SLC8A1: variants seen among roughly 807,000 people sequenced by gnomAD.
SLC8A1 encodes the protein solute carrier family 8 member A1, also known as sodium/calcium exchanger 1.
In SLC8A1, 18 loss-of-function variants were observed where a neutral mutation model predicts 68.3. The ratio of observed to expected loss-of-function variants is 0.26; its 90% confidence interval spans 0.18 to 0.39. The LOEUF (loss-of-function observed/expected upper bound fraction) is 0.39. Among genes scored for constraint, SLC8A1 ranks in the 10% least tolerant of loss-of-function variants. The probability of loss-of-function intolerance (pLI) is 1.00; values close to 1 mark genes in which losing one functional copy is unlikely to be tolerated. For missense variants in SLC8A1, 985 were observed against 1,156.7 expected, an observed-to-expected ratio of 0.85 and a Z score of 2.15; for synonymous variants, 475 against 415.5, an observed-to-expected ratio of 1.14 and a Z score of -1.74.
intron 1 of SLC8A1, among the ~76,000 whole-genome samples, chr2:40,436,061 C>A (rs57454819): frequency 6.6e-6 from 1 of 151,894 alleles, no homozygotes; most frequent in African/African-American, 2.4e-5. Flanking sequence ...TGAACCACCA[C>A]GTCTGGCCAG....
chr2:40,502,323 C>A (rs866984714), intron 1 of SLC8A1, among the ~76,000 whole-genome samples: 106 of 152,106 alleles, frequency 7.0e-4, no homozygotes, highest in African/African-American at 2.5e-3. Context: ...CTCAGGTTTG[C>A]GGACTATGGT....
intron 2 of SLC8A1, among the ~76,000 whole-genome samples, chr2:40,286,009 G>A (rs776019868): frequency 2.0e-5 from 3 of 152,092 alleles, no homozygotes; most frequent in Non-Finnish European, 4.4e-5. Flanking sequence ...TTAGGACCAG[G>A]GCAAGTGCTC....
At chr2:40,217,397 T>G (rs536391219) in intron 2 of SLC8A1, among the ~76,000 whole-genome samples, 1 of 152,354 alleles carries the variant, frequency 6.6e-6, no homozygotes, top group South Asian at 2.1e-4. Context: ...TGTAGGCTTG[T>G]AGTATAATTT....
intron 2 of SLC8A1, among the ~76,000 whole-genome samples, chr2:40,183,932 G>A (rs1002667657): frequency 6.6e-6 from 1 of 152,116 alleles, no homozygotes; most frequent in Non-Finnish European, 1.5e-5. Context: ...GAGGTGGGAG[G>A]ATAGCTTGAG....
intron 2 of SLC8A1, among the ~76,000 whole-genome samples, chr2:40,184,835 C>T (rs1357538287): frequency 2.8e-5 from 4 of 143,578 alleles, no homozygotes; most frequent in Non-Finnish European, 4.5e-5. Context: ...CCACAGTACA[C>T]TTGATGTTAA....
intron 2 of SLC8A1, among the ~76,000 whole-genome samples, chr2:40,405,399 G>A (rs898759957): frequency 6.6e-6 from 1 of 152,148 alleles, no homozygotes; most frequent in African/African-American, 2.4e-5. Context: ...CAAGAAAAGT[G>A]CATGAATGTT....
At chr2:40,288,972 T>G (rs550857494) in intron 2 of SLC8A1, among the ~76,000 whole-genome samples, 1 of 151,532 alleles carries the variant, frequency 6.6e-6, no homozygotes, top group Admixed American at 6.6e-5. Context: ...AATGTCAGTA[T>G]GTTGGGATTA....
chr2:40,424,280 C>A (rs1696291886), intron 2 of SLC8A1, among the ~76,000 whole-genome samples: 1 of 151,740 alleles, frequency 6.6e-6, no homozygotes, highest in African/African-American at 2.4e-5. Context: ...TTACATCTGG[C>A]TGTCTTATTG....
intron 6 of SLC8A1, among the ~76,000 whole-genome samples, chr2:40,142,837 T>C (rs1485475665): frequency 6.6e-6 from 1 of 152,186 alleles, no homozygotes; most frequent in East Asian, 1.9e-4. Flanking sequence ...ATTATTTGTT[T>C]AGTCAACATG....
intron 7 of SLC8A1, among the ~76,000 whole-genome samples, chr2:40,132,300 T>A (rs181058017): frequency 3.3e-5 from 5 of 152,252 alleles, no homozygotes; most frequent in Admixed American, 1.3e-4. Flanking sequence ...TTTGGCTAAA[T>A]ATGGACAAGT....
chr2:40,239,569 C>T (rs1210915203), intron 2 of SLC8A1, among the ~76,000 whole-genome samples: 4 of 152,158 alleles, frequency 2.6e-5, no homozygotes, highest in Non-Finnish European at 4.4e-5. Context: ...TCTGACTCTC[C>T]TCCTCCCATG....
At chr2:40,311,801 C>A (rs1559193424) in intron 2 of SLC8A1, among the ~76,000 whole-genome samples, 1 of 151,928 alleles carries the variant, frequency 6.6e-6, no homozygotes, top group South Asian at 2.1e-4. Flanking sequence ...ATTGTGTTTG[C>A]AAGACTGGTT....
At chr2:40,199,621 C>T (rs148021366) in intron 2 of SLC8A1, among the ~76,000 whole-genome samples, 98 of 151,736 alleles carry the variant, frequency 6.5e-4, no homozygotes, top group African/African-American at 2.3e-3. Context: ...TATTAAGATT[C>T]GGAAGCAAGC....
intron 2 of SLC8A1, among the ~76,000 whole-genome samples, chr2:40,331,682 C>G (rs2076427334): frequency 1.3e-5 from 2 of 152,030 alleles, no homozygotes; most frequent in South Asian, 4.1e-4. Flanking sequence ...CAACCTCTGC[C>G]TCCCGGGTTC....
chr2:40,492,277 A>C (rs1705365367), intron 1 of SLC8A1, among the ~76,000 whole-genome samples: 1 of 152,188 alleles, frequency 6.6e-6, no homozygotes, highest in Non-Finnish European at 1.5e-5. Flanking sequence ...GTGCTGGGAA[A>C]ACTGGCTAGC....
chr2:40,497,991 T>C (rs750333536), intron 1 of SLC8A1, among the ~76,000 whole-genome samples: 6 of 152,038 alleles, frequency 3.9e-5, no homozygotes, highest in Non-Finnish European at 7.4e-5. Context: ...TGGTAATGGA[T>C]ATGAGAGACA....
intron 1 of SLC8A1, among the ~76,000 whole-genome samples, chr2:40,484,428 C>T (rs1290292548): frequency 6.6e-6 from 1 of 152,230 alleles, no homozygotes; most frequent in Non-Finnish European, 1.5e-5. Flanking sequence ...TGCTGCTCCA[C>T]TCTTCTCAGG....
intron 2 of SLC8A1, among the ~76,000 whole-genome samples, chr2:40,396,973 T>C (rs1687186532): frequency 6.6e-6 from 1 of 152,108 alleles, no homozygotes; most frequent in Non-Finnish European, 1.5e-5. Flanking sequence ...GGTTTAAATC[T>C]GCAATTTCCA....
intron 6 of SLC8A1, among the ~76,000 whole-genome samples, chr2:40,149,240 T>C (rs2042987397): frequency 6.6e-6 from 1 of 152,214 alleles, no homozygotes; most frequent in Non-Finnish European, 1.5e-5. Context: ...CTCATTTCTT[T>C]AGTAAGTATT....
Sources: gnomAD v4.1 joint callset for allele counts (sites outside exome capture counted in the v4.1 genomes callset) on GRCh38, gnomAD v4.1.1 for gene constraint, MANE v1.5 for transcripts, NCBI Gene and HGNC (gene_info 2026-07-23, HGNC 2026-07-21) for gene names.